NGEF: variants seen among roughly 807,000 people sequenced by gnomAD.
The protein encoded by NGEF is neuronal guanine nucleotide exchange factor.
Under a neutral mutation model 80.9 loss-of-function variants are expected in NGEF, and 31 were observed. That is an observed-to-expected ratio of 0.38 (90% CI 0.29 to 0.52). The LOEUF is 0.52. NGEF is among the 20% of genes least tolerant of loss of function. The pLI is 0.84. For missense variants in NGEF, 709 were observed against 926.2 expected (o/e 0.77, Z 3.04); for synonymous variants, 371 against 370.2 (o/e 1.00, Z -0.03).
intron 5 of NGEF, among the ~76,000 whole-genome samples, chr2:232,904,831 A>G (rs1250733186): frequency 6.6e-6 from 1 of 152,134 alleles, no homozygotes; most frequent in East Asian, 1.9e-4. Context: ...CTGTAGTTGC[A>G]GCTACTTGAG....
Position 232,883,566 on chromosome 2 carries a change from C to T in NGEF, c.1602-100G>A, listed in dbSNP as rs75773908. The T allele has an allele frequency of 4.5e-3, 5,419 of 1,210,992 alleles. 191 individuals are homozygous for T. The African/African-American group carries it at 0.074, about 17-fold the overall frequency. 75.0% of individuals were successfully genotyped at this position (1,210,992 alleles called of 1,614,324 possible). A position where few individuals can be genotyped will look rare whatever the true frequency, so the allele number is the denominator to read the frequency against. On this transcript the variant is annotated intron_variant, in intron 11 of 14. Coordinates refer to ENST00000264051, the MANE Select transcript of NGEF (RefSeq NM_019850.3). ...CAGGCCAACAAGCCTGGCTCCACAG[C>T]GCTGGCTGATCTTCACCTCCTTCTG... is the stretch of plus-strand genomic sequence containing the variant.
At chr2:232,880,630 T>C (rs1259274750) in intron 14 of NGEF, among the ~76,000 whole-genome samples, 3 of 152,236 alleles carry the variant, frequency 2.0e-5, no homozygotes, top group Non-Finnish European at 4.4e-5. Flanking sequence ...AGGGGGTCAG[T>C]GTTCAATTCT....
chr2:232,920,457 C>T lies in NGEF; in HGVS notation c.655G>A (p.Glu219Lys), dbSNP rs1418441261. 2 of 1,613,892 alleles carry T rather than the reference C, an allele frequency of 1.2e-6. No individual in the cohort carries two copies. The highest frequency in any genetic ancestry group is 4.5e-5 in the East Asian group (2 of 44,872). The change falls in exon 5 of 15, where the codon GAA (glutamate) becomes AAA (lysine). Residue 219 changes from glutamate to lysine, a missense_variant. By Grantham distance (56) the Glu-to-Lys change is moderately conservative. Transcript: ENST00000264051. ...PASEDTPEEE[E>K]EEEEEEEPAS... ...GGCTCCTCCTCCTCCTCCTCTTCTT[C>T]TTCCTCCTCCGGGGTGTCCTCACTG... is the stretch of plus-strand genomic sequence containing the variant.
chr2:232,991,966 T>C (rs1382323180), intron 1 of NGEF, among the ~76,000 whole-genome samples: 2 of 152,158 alleles, frequency 1.3e-5, no homozygotes, highest in African/African-American at 4.8e-5. Context: ...GTAAGACCAT[T>C]CAATGAGAAA....
chr2:232,902,933 G>T (rs1692395784), intron 5 of NGEF, among the ~76,000 whole-genome samples: 1 of 152,244 alleles, frequency 6.6e-6, no homozygotes, highest in South Asian at 2.1e-4. Flanking sequence ...GGTGGAGGTT[G>T]CAGTGAGCTG....
At chr2:232,885,663 C>T (rs931470310) in intron 9 of NGEF, 1 of 376,300 alleles carries the variant, frequency 2.7e-6, no homozygotes, top group Non-Finnish European at 4.9e-6. Context: ...CCTCTGTAGG[C>T]TGGACGGACC....
chr2:233,005,885 C>T (rs1170167267), intron 1 of NGEF, among the ~76,000 whole-genome samples: 1 of 152,178 alleles, frequency 6.6e-6, no homozygotes, highest in Non-Finnish European at 1.5e-5. Flanking sequence ...GGCATGATCT[C>T]AGCCCACCGC....
chr2:232,933,819 C>T (rs1693267813), intron 3 of NGEF, among the ~76,000 whole-genome samples: 2 of 152,258 alleles, frequency 1.3e-5, no homozygotes, highest in Non-Finnish European at 1.5e-5. Flanking sequence ...CAGGCCCCTT[C>T]TGCTGTCTAG....
rs1486026245 is a variant in NGEF, at chr2:232,896,768, G to A, written c.829-1852C>T. On this transcript the variant is annotated intron_variant, in intron 5 of 14. Coordinates refer to ENST00000264051, the MANE Select transcript of NGEF (RefSeq NM_019850.3). Reference sequence around the variant, plus strand: ...AAGGTAGGGGTGAGGGTGAGGTTAGGGGCGTGGGTGAAGGTAGGGGTGAGG... The same window carrying A: ...AAGGTAGGGGTGAGGGTGAGGTTAGAGGCGTGGGTGAAGGTAGGGGTGAGG... Among the ~76,000 whole-genome samples the A allele has an allele frequency of 5.2e-5, 5 of 95,622 alleles. No individual in the cohort carries two copies. In the East Asian group the frequency reaches 1.4e-3, roughly 27 times the overall value. 62.7% of individuals were successfully genotyped at this position (95,622 alleles called of 152,430 possible). A position where few individuals can be genotyped will look rare whatever the true frequency, so the allele number is the denominator to read the frequency against.
intron 3 of NGEF, among the ~76,000 whole-genome samples, chr2:232,934,395 CTTTTTT>C (rs11335315): frequency 6.7e-6 from 1 of 150,328 alleles, no homozygotes; most frequent in Non-Finnish European, 1.5e-5. Context: ...GAGGAAGATT[CTTTTTT>C]TTTTTAAAGA....
chr2:232,882,135 G>T, intron 13 of NGEF, 51 bp downstream of exon 13: 1 of 1,545,930 alleles, frequency 6.5e-7, no homozygotes, highest in Non-Finnish European at 8.9e-7. Context: ...GCGGCATCCG[G>T]CAGGGCCAGC....
chr2:232,951,882 T>A (rs1273012422), intron 3 of NGEF, among the ~76,000 whole-genome samples: 1 of 152,210 alleles, frequency 6.6e-6, no homozygotes, highest in East Asian at 1.9e-4. Context: ...CAGGTTTATT[T>A]TTTTTTTATA....
intron 3 of NGEF, among the ~76,000 whole-genome samples, chr2:232,967,171 C>T (rs761732293): frequency 4.6e-5 from 7 of 152,006 alleles, no homozygotes; most frequent in African/African-American, 1.5e-4. Context: ...TGTGTGGCAC[C>T]TCTCACCCCA....
intron 5 of NGEF, among the ~76,000 whole-genome samples, chr2:232,900,371 TAC>T (rs1170652186): frequency 1.4e-4 from 7 of 51,234 alleles, no homozygotes; most frequent in South Asian, 7.8e-4. Flanking sequence ...CACATTCACT[TAC>T]ACACACACGC....
Position 232,892,861 on chromosome 2 carries a change from T to A in NGEF, c.1142+37A>T. ...CACTGGTATGGCTGCCCCGGGCACC[T>A]CCCCCTGCCCCTGAGCCCCTTGCCG... On this transcript the variant is annotated intron_variant, in intron 7 of 14. Transcript: ENST00000264051. The surrounding 1 kb of genome is among the most constrained non-coding windows in gnomAD (Gnocchi z 4.0). 3 of 1,599,502 alleles carry A rather than the reference T, an allele frequency of 1.9e-6. No individual in the cohort carries two copies. In the South Asian group the frequency reaches 3.3e-5, roughly 18 times the overall value.
rs553128353 is a variant in NGEF, at chr2:232,882,105, G to A, written c.1837+81C>T. The A allele has an allele frequency of 3.2e-4, 412 of 1,305,016 alleles. No homozygotes were observed. The African/African-American group carries it at 5.6e-3, about 18-fold the overall frequency. The allele number at this position is 1,305,016 out of a possible 1,614,324, so 80.8% of individuals were successfully genotyped here. ...CAGCTCAGGGAGGGCTTCCCTCCAG[G>A]CAGGGCACACCGTGCACCTGCGGCA... On this transcript the variant is annotated intron_variant, in intron 13 of 14. Coordinates refer to ENST00000264051, the MANE Select transcript of NGEF (RefSeq NM_019850.3).
At chr2:232,976,180 A>G (rs1005212307) in intron 1 of NGEF, among the ~76,000 whole-genome samples, 3 of 152,110 alleles carry the variant, frequency 2.0e-5, no homozygotes, top group Admixed American at 6.6e-5. Context: ...CAGCCTGGGC[A>G]ACAGAGCCAG....
intron 3 of NGEF, among the ~76,000 whole-genome samples, chr2:232,947,615 C>CTGCCATAAT (rs1460494238): frequency 6.6e-6 from 1 of 152,224 alleles, no homozygotes; most frequent in Non-Finnish European, 1.5e-5. Context: ...GCTTCGCCTT[C>CTGCCATAAT]TGCCATAATT....
At chr2:232,885,124 G>A in intron 10 of NGEF, 156 bp downstream of exon 10, 1 of 643,104 alleles carries the variant, frequency 1.6e-6, no homozygotes, top group South Asian at 1.8e-5. Context: ...AGGCGGGGTG[G>A]CTTCAGCTGG....
Sources: allele counts gnomAD v4.1 joint callset (sites outside exome capture counted in the v4.1 genomes callset), GRCh38; gene constraint gnomAD v4.1.1; non-coding constraint Gnocchi (gnomAD v3.1); transcripts MANE v1.5; gene names NCBI Gene and HGNC (gene_info 2026-07-23, HGNC 2026-07-21).